The following HIVEP3 variants were observed in gnomAD, a reference collection of about 807,000 sequenced individuals.
The protein encoded by HIVEP3 is HIVEP zinc finger 3, also known as transcription factor HIVEP3.
A neutral mutation model predicts 152.8 loss-of-function variants in HIVEP3; 49 were observed. That is an observed-to-expected ratio of 0.32 (90% confidence interval 0.26 to 0.41). The LOEUF (loss-of-function observed/expected upper bound fraction) is 0.41, where lower values mean the gene tolerates loss of function less well. Among genes scored for constraint, HIVEP3 ranks in the 10% least tolerant of loss-of-function variants. The pLI, the probability that HIVEP3 is intolerant of heterozygous loss-of-function variation, is 1.00. For missense variants in HIVEP3, 2,790 were observed against 3,103.3 expected (o/e 0.90, Z 2.40); for synonymous variants, 1,269 against 1,289.0 (o/e 0.98, Z 0.33).
At chr1:41,794,000 A>G (rs562709958) in intron 1 of HIVEP3, among the ~76,000 whole-genome samples, 17 of 152,266 alleles carry the variant, frequency 1.1e-4, no homozygotes, top group Admixed American at 6.5e-5. Context: ...GATTGTCTCC[A>G]GTCTCTTAAT....
intron 1 of HIVEP3, among the ~76,000 whole-genome samples, chr1:41,983,278 T>C (rs1557549227): frequency 1.3e-5 from 2 of 152,084 alleles, no homozygotes; most frequent in South Asian, 4.1e-4. Flanking sequence ...TAAAGCCCTA[T>C]CAAAAATTAC....
At chr1:41,628,519 T>C (rs927676591) in intron 3 of HIVEP3, among the ~76,000 whole-genome samples, 10 of 152,164 alleles carry the variant, frequency 6.6e-5, no homozygotes, top group Admixed American at 3.9e-4. Context: ...CTGCATTTCA[T>C]GGGAGACAGC....
intron 1 of HIVEP3, among the ~76,000 whole-genome samples, chr1:41,902,350 G>T (rs1281778328): frequency 6.6e-6 from 1 of 152,080 alleles, no homozygotes; most frequent in African/African-American, 2.4e-5. Flanking sequence ...GGAGAAGCAG[G>T]ACAGAAAGGG....
Position 41,609,742 on chromosome 1 carries a change from G to A in HIVEP3, c.-522+19007C>T, listed in dbSNP as rs111385334. Among the ~76,000 whole-genome samples the A allele has an allele frequency of 1.6e-4, 24 of 152,314 alleles. 1 individual carries two copies. Among genetic ancestry groups the A allele is most frequent in the African/African-American group, 2.4e-4 (10 of 41,562 alleles). ...CTGGAGAATTCTCAGAACACACGCC[G>A]TTCCCAATGGCTGAAATGCCCTTTC... On this transcript the variant is annotated intron_variant, in intron 3 of 8. Transcript: ENST00000372583.
intron 2 of HIVEP3, among the ~76,000 whole-genome samples, chr1:41,675,814 G>A (rs1645945666): frequency 6.6e-6 from 1 of 152,234 alleles, no homozygotes; most frequent in Non-Finnish European, 1.5e-5. Flanking sequence ...AAAGTGTGCA[G>A]GGGTGGTGGG....
At chr1:41,522,538 G>A (rs1382767869) in intron 6 of HIVEP3, among the ~76,000 whole-genome samples, 2 of 152,108 alleles carry the variant, frequency 1.3e-5, no homozygotes, top group Non-Finnish European at 2.9e-5. Flanking sequence ...GCCTTACCTC[G>A]GGGGATGCTC....
intron 5 of HIVEP3, among the ~76,000 whole-genome samples, chr1:41,562,601 T>TTCTCTCTCTCTCTCTCTCTCTCTC (rs72509109): frequency 7.9e-5 from 10 of 126,174 alleles, no homozygotes; most frequent in Admixed American, 1.7e-4. Flanking sequence ...CTTCCTTTCT[T>TTCTCTCTCTCTCTCTCTCTCTCTC]TCTCTCTCTC....
chr1:41,506,701 C>CA lies in HIVEP3; in HGVS notation c.*3749dup, dbSNP rs1644386842. 1.3e-5 allele frequency: 2 copies of CA among 151,758 alleles called. No individual in the cohort carries two copies. Among genetic ancestry groups the CA allele is most frequent in the Admixed American group, 6.6e-5 (1 of 15,224 alleles). 9.4% of individuals were successfully genotyped at this position (151,758 alleles called of 1,614,324 possible). On this transcript the variant is annotated 3_prime_UTR_variant, in exon 9 of 9. Coordinates refer to ENST00000372583, the MANE Select transcript of HIVEP3 (RefSeq NM_024503.5). ...ACTGGAGTTTAAATAAAATTACAGGCAAAACTACCCCATCCCAGTGCGGTT... is the reference window on the plus strand; with the variant it reads ...ACTGGAGTTTAAATAAAATTACAGGCAAAAACTACCCCATCCCAGTGCGGTT...
chr1:41,573,211 G>C (rs1465188562), intron 5 of HIVEP3, among the ~76,000 whole-genome samples: 2 of 152,232 alleles, frequency 1.3e-5, no homozygotes, highest in African/African-American at 2.4e-5. Flanking sequence ...AGAGGAGTGT[G>C]CCCAGTGATT....
chr1:41,926,518 G>A (rs1464805267), intron 1 of HIVEP3, among the ~76,000 whole-genome samples: 2 of 152,120 alleles, frequency 1.3e-5, no homozygotes, highest in Non-Finnish European at 2.9e-5. Flanking sequence ...TAAGTATAAT[G>A]CAGTGGGGAG....
chr1:41,588,111 G>A (rs1008335322), intron 3 of HIVEP3, among the ~76,000 whole-genome samples: 19 of 152,198 alleles, frequency 1.2e-4, no homozygotes, highest in Non-Finnish European at 2.2e-4. Flanking sequence ...GAAGTGCTGA[G>A]CCTTCTAAAA....
intron 1 of HIVEP3, among the ~76,000 whole-genome samples, chr1:42,034,994 A>T (rs533347333): frequency 1.3e-5 from 2 of 152,140 alleles, no homozygotes; most frequent in African/African-American, 2.4e-5. Context: ...CAGAGCCTAG[A>T]GCTCTCAGAG....
intron 1 of HIVEP3, among the ~76,000 whole-genome samples, chr1:42,024,707 T>G (rs75593117): frequency 6.6e-6 from 1 of 152,226 alleles, no homozygotes; most frequent in Non-Finnish European, 1.5e-5. Context: ...TAATTCCTTA[T>G]AGCATCTCAG....
At chr1:41,923,092 A>G (rs1027289709), upstream of HIVEP3, among the ~76,000 whole-genome samples, 1 of 152,240 alleles carries the variant, frequency 6.6e-6, no homozygotes, top group East Asian at 1.9e-4. Flanking sequence ...AAAATGGTAT[A>G]GTACAAATAA....
chr1:41,841,282 C>T lies in HIVEP3; in HGVS notation c.-801+77131G>A, dbSNP rs541745924. ...TTTCTCCTGTCAAATACACTTCCATCCAACTCTTCCAGGATCCCACCTCCA... is the reference window on the plus strand; with the variant it reads ...TTTCTCCTGTCAAATACACTTCCATTCAACTCTTCCAGGATCCCACCTCCA... On this transcript the variant is annotated intron_variant, in intron 1 of 8. Coordinates refer to ENST00000372583, the MANE Select transcript of HIVEP3 (RefSeq NM_024503.5). 6.6e-4 allele frequency among the ~76,000 whole-genome samples: 100 copies of T among 152,310 alleles called. 1 individual carries two copies. Among genetic ancestry groups the T allele is most frequent in the African/African-American group, 2.4e-3 (98 of 41,554 alleles).
chr1:41,734,044 C>A (rs1420358993), intron 1 of HIVEP3, among the ~76,000 whole-genome samples: 5 of 152,146 alleles, frequency 3.3e-5, no homozygotes, highest in South Asian at 2.1e-4. Flanking sequence ...GCCCTCACCC[C>A]CTCCTTGCTC....
intron 3 of HIVEP3, among the ~76,000 whole-genome samples, chr1:41,627,259 G>A (rs1193430901): frequency 6.6e-6 from 1 of 152,190 alleles, no homozygotes; most frequent in Non-Finnish European, 1.5e-5. Context: ...GCAACCCTGC[G>A]AGGCAGGTAT....
chr1:41,796,969 G>A (rs941101779), intron 1 of HIVEP3, among the ~76,000 whole-genome samples: 1 of 152,166 alleles, frequency 6.6e-6, no homozygotes, highest in Non-Finnish European at 1.5e-5. Flanking sequence ...GCTACATTGT[G>A]AAACTGGTGG....
At chr1:41,934,120 C>G (rs1190710196) in intron 1 of HIVEP3, among the ~76,000 whole-genome samples, 1 of 152,144 alleles carries the variant, frequency 6.6e-6, no homozygotes. Context: ...TTCTTTTCCT[C>G]TCCTCCAGCA....
Sources: gnomAD v4.1 joint callset for allele counts (sites outside exome capture counted in the v4.1 genomes callset) on GRCh38, gnomAD v4.1.1 for gene constraint, MANE v1.5 for transcripts, NCBI Gene and HGNC (gene_info 2026-07-23, HGNC 2026-07-21) for gene names.